The following TMEM45A variants were observed in gnomAD, a reference collection of about 807,000 sequenced individuals.
The protein encoded by TMEM45A is DNA polymerase-transactivated protein 4.
TMEM45A carries 25 observed loss-of-function variants against 32.0 expected under a neutral mutation model. That is an observed-to-expected ratio of 0.78 (90% confidence interval 0.57 to 1.09). The LOEUF is 1.09. Ranked by LOEUF, TMEM45A falls within the 50% of genes least tolerant of loss-of-function variation. TMEM45A has a pLI of 0.00. For missense variants in TMEM45A, 302 were observed against 325.0 expected, an observed-to-expected ratio of 0.93 and a Z score of 0.54; for synonymous variants, 122 against 114.8, an observed-to-expected ratio of 1.06 and a Z score of -0.40.
chr3:100,532,119 C>T (rs1705658570), intron 1 of TMEM45A, among the ~76,000 whole-genome samples: 1 of 152,174 alleles, frequency 6.6e-6, no homozygotes, highest in Non-Finnish European at 1.5e-5. Flanking sequence ...CATAATTTGT[C>T]CTGTTAAGGA....
At chr3:100,551,121 C>T (rs1318736488) in intron 1 of TMEM45A, among the ~76,000 whole-genome samples, 2 of 149,522 alleles carry the variant, frequency 1.3e-5, no homozygotes, top group Non-Finnish European at 3.0e-5. Context: ...TCACGCCATT[C>T]TCCTGCCTCA....
chr3:100,521,575 T>A (rs1204711548), intron 1 of TMEM45A, among the ~76,000 whole-genome samples: 1 of 152,162 alleles, frequency 6.6e-6, no homozygotes, highest in Non-Finnish European at 1.5e-5. Context: ...CTGATATGGA[T>A]CTCAGAGGTG....
At chr3:100,507,532 T>A (rs1053838490) in intron 1 of TMEM45A, among the ~76,000 whole-genome samples, 1 of 151,844 alleles carries the variant, frequency 6.6e-6, no homozygotes, top group Non-Finnish European at 1.5e-5. Flanking sequence ...AAGGAGGGGG[T>A]CTTAAAATCA....
intron 1 of TMEM45A, among the ~76,000 whole-genome samples, chr3:100,519,974 C>T (rs772842130): frequency 3.3e-5 from 5 of 152,084 alleles, no homozygotes; most frequent in African/African-American, 4.8e-5. Flanking sequence ...TCCATCCTTC[C>T]CATCCATCCA....
intron 1 of TMEM45A, among the ~76,000 whole-genome samples, chr3:100,530,296 T>C (rs1705622038): frequency 6.6e-6 from 1 of 152,182 alleles, no homozygotes; most frequent in Non-Finnish European, 1.5e-5. Flanking sequence ...TGAAATCTGC[T>C]GGCCTGGAGC....
intron 4 of TMEM45A, among the ~76,000 whole-genome samples, chr3:100,561,348 C>G (rs982585055): frequency 6.6e-6 from 1 of 152,106 alleles, no homozygotes; most frequent in East Asian, 1.9e-4. Flanking sequence ...TATGTTAATA[C>G]TTGTGCATGA....
At chr3:100,550,759 A>G (rs998509006) in intron 1 of TMEM45A, among the ~76,000 whole-genome samples, 1 of 152,148 alleles carries the variant, frequency 6.6e-6, no homozygotes, top group Non-Finnish European at 1.5e-5. Context: ...CTCTTAAGGG[A>G]TAGAGTTTTA....
chr3:100,557,379 G>C (rs922573900), intron 3 of TMEM45A, among the ~76,000 whole-genome samples: 4 of 151,996 alleles, frequency 2.6e-5, no homozygotes, highest in South Asian at 2.1e-4. Flanking sequence ...CTACTAACAG[G>C]CTTTTTCATA....
chr3:100,573,830 A>C (rs1312730496), intron 5 of TMEM45A: 7 of 152,206 alleles, frequency 4.6e-5, no homozygotes, highest in African/African-American at 1.2e-4. Flanking sequence ...ATTTTGTCAA[A>C]GGCCTTTTCT....
intron 1 of TMEM45A, among the ~76,000 whole-genome samples, chr3:100,512,745 AAAAG>A (rs1336158843): frequency 4.0e-5 from 6 of 151,456 alleles, no homozygotes; most frequent in Admixed American, 2.0e-4. Flanking sequence ...AATAAAGAAA[AAAAG>A]AGAGAAGAAT....
At chr3:100,559,569 C>G (rs1001478710) in intron 4 of TMEM45A, among the ~76,000 whole-genome samples, 2 of 151,996 alleles carry the variant, frequency 1.3e-5, no homozygotes, top group African/African-American at 4.8e-5. Flanking sequence ...AACAAATACT[C>G]TATAATGTGA....
intron 1 of TMEM45A, among the ~76,000 whole-genome samples, chr3:100,494,682 C>A (rs999686463): frequency 6.6e-6 from 1 of 151,724 alleles, no homozygotes; most frequent in African/African-American, 2.4e-5. Flanking sequence ...GTAATGCATA[C>A]AAAGTGGATG....
At chr3:100,507,433 T>C (rs1264785084) in intron 1 of TMEM45A, among the ~76,000 whole-genome samples, 1 of 152,240 alleles carries the variant, frequency 6.6e-6, no homozygotes, top group Non-Finnish European at 1.5e-5. Context: ...ATATTACTGT[T>C]ATTTGATAGA....
At chr3:100,550,731 GGCTCT>G (rs1706080226) in intron 1 of TMEM45A, among the ~76,000 whole-genome samples, 1 of 152,110 alleles carries the variant, frequency 6.6e-6, no homozygotes. Flanking sequence ...TTAGATCTTG[GGCTCT>G]GCCCAATATT....
intron 1 of TMEM45A, among the ~76,000 whole-genome samples, chr3:100,526,606 G>A (rs1461747785): frequency 1.3e-5 from 2 of 152,154 alleles, no homozygotes; most frequent in Non-Finnish European, 2.9e-5. Context: ...TGTATCCCTT[G>A]GGGTTGGGTT....
rs1397366113 is a variant in TMEM45A at position 100,577,143 on chromosome 3, T to G, written c.*125T>G. On this transcript the variant is annotated 3_prime_UTR_variant, in exon 6 of 6. Coordinates refer to ENST00000323523, the MANE Select transcript of TMEM45A (RefSeq NM_018004.3). ...ATGACTCTAAGTGTACTGTTTGCAT[T>G]TCCAATTTGGTTAAAGTATTTGAAT... is the stretch of plus-strand genomic sequence containing the variant. 6.3e-5 allele frequency: 43 copies of G among 687,288 alleles called. No homozygotes were observed. Among genetic ancestry groups the G allele is most frequent in the Non-Finnish European group, 9.9e-5 (42 of 425,984 alleles). 42.6% of individuals were successfully genotyped at this position (687,288 alleles called of 1,614,324 possible). A position where few individuals can be genotyped will look rare whatever the true frequency, so the allele number is the denominator to read the frequency against.
intron 4 of TMEM45A, among the ~76,000 whole-genome samples, chr3:100,567,518 CAAAAAAAAAAAAAA>C: frequency 1.6e-5 from 1 of 63,498 alleles, no homozygotes; most frequent in Admixed American, 2.0e-4. Flanking sequence ...ACCATTTCTG[CAAAAAAAAAAAAAA>C]AAAAAAAAAG....
At chr3:100,560,095 G>GT (rs1217920910) in intron 4 of TMEM45A, among the ~76,000 whole-genome samples, 3 of 151,992 alleles carry the variant, frequency 2.0e-5, no homozygotes, top group Admixed American at 1.3e-4. Context: ...CTTTGATTGT[G>GT]TTTTTTTATA....
chr3:100,513,654 G>C (rs1300610332), intron 1 of TMEM45A, among the ~76,000 whole-genome samples: 1 of 150,174 alleles, frequency 6.7e-6, no homozygotes, highest in African/African-American at 2.5e-5. Flanking sequence ...GGAAATAAAG[G>C]GTATTCAATT....
Sources: allele counts gnomAD v4.1 joint callset (sites outside exome capture counted in the v4.1 genomes callset), GRCh38; gene constraint gnomAD v4.1.1; transcripts MANE v1.5; gene names NCBI Gene and HGNC (gene_info 2026-07-23, HGNC 2026-07-21).